CHCHD3: variants seen among roughly 807,000 people sequenced by gnomAD.
CHCHD3 encodes MICOS complex subunit MIC19.
In CHCHD3, 20 loss-of-function variants were observed where a neutral mutation model predicts 38.2. That is an observed-to-expected ratio of 0.52 (90% CI 0.37 to 0.76). The LOEUF (loss-of-function observed/expected upper bound fraction) is 0.76. Among genes scored for constraint, CHCHD3 ranks in the 30% least tolerant of loss-of-function variants. The pLI is 0.00. For missense variants in CHCHD3, 245 were observed against 279.2 expected, an observed-to-expected ratio of 0.88 and a Z score of 0.87; for synonymous variants, 82 against 100.0, an observed-to-expected ratio of 0.82 and a Z score of 1.07.
At position 132,785,204 on chromosome 7, in the gene CHCHD3, C is replaced by T. The variant is rs535292721; in HGVS notation, c.*433G>A. The T allele has an allele frequency of 5.9e-5, 10 of 169,734 alleles. No individual in the cohort carries two copies. The South Asian group carries it at 1.5e-3, about 25-fold the overall frequency. 10.5% of individuals were successfully genotyped at this position (169,734 alleles called of 1,614,324 possible). A position where few individuals can be genotyped will look rare whatever the true frequency, so the allele number is the denominator to read the frequency against. On this transcript the variant is annotated 3_prime_UTR_variant, in exon 8 of 8. Coordinates refer to ENST00000262570, the MANE Select transcript of CHCHD3 (RefSeq NM_017812.4). ...TCTCTCCACCCAGCACTGCTGCCCT[C>T]GGATCTATGTTTTCTGGCTCTCTCC...
intron 3 of CHCHD3, among the ~76,000 whole-genome samples, chr7:133,018,834 C>T (rs1483057388): frequency 7.0e-6 from 1 of 142,430 alleles, no homozygotes; most frequent in African/African-American, 2.6e-5. Context: ...ACTTGTGAGA[C>T]TTTACTATGT....
At chr7:133,059,939 C>T (rs941659790) in intron 2 of CHCHD3, among the ~76,000 whole-genome samples, 5 of 152,112 alleles carry the variant, frequency 3.3e-5, no homozygotes, top group African/African-American at 1.2e-4. Context: ...ACATGGGAAG[C>T]GAACATACAC....
chr7:132,891,761 G>C (rs1329741739), intron 4 of CHCHD3, among the ~76,000 whole-genome samples: 2 of 152,220 alleles, frequency 1.3e-5, no homozygotes, highest in Non-Finnish European at 2.9e-5. Flanking sequence ...GGACCAGATG[G>C]GAGGTGAATG....
At position 132,886,618 on chromosome 7, in the gene CHCHD3, G is replaced by T. The variant is rs559969674; in HGVS notation, c.370-873C>A. 7.9e-4 allele frequency among the ~76,000 whole-genome samples: 120 copies of T among 151,338 alleles called. 3 individuals are homozygous for T. In the South Asian group the frequency reaches 0.025, roughly 31 times the overall value. ...ATATATGCCTGACTACAACTTATAA[G>T]AAAGTGTGTGTGTGTATATATATGT... is the stretch of plus-strand genomic sequence containing the variant. On this transcript the variant is annotated intron_variant, in intron 4 of 7. Coordinates refer to ENST00000262570, the MANE Select transcript of CHCHD3 (RefSeq NM_017812.4).
chr7:133,028,553 G>T (rs1465660254), intron 2 of CHCHD3, among the ~76,000 whole-genome samples: 10 of 152,016 alleles, frequency 6.6e-5, no homozygotes, highest in Non-Finnish European at 7.4e-5. Flanking sequence ...ATCCATGCAT[G>T]GATTAATGGT....
intron 6 of CHCHD3, among the ~76,000 whole-genome samples, chr7:132,808,869 A>G (rs1262940799): frequency 2.0e-5 from 3 of 149,334 alleles, no homozygotes; most frequent in Middle Eastern, 3.4e-3. Context: ...ATATCTCCCA[A>G]TGCTATCCCT....
At chr7:132,983,834 G>A (rs903519796) in intron 3 of CHCHD3, among the ~76,000 whole-genome samples, 11 of 152,154 alleles carry the variant, frequency 7.2e-5, no homozygotes, top group Admixed American at 2.0e-4. Flanking sequence ...TCCAGCATAA[G>A]GACTGTTGTA....
At chr7:133,078,463 G>A (rs1220802521) in intron 1 of CHCHD3, among the ~76,000 whole-genome samples, 2 of 152,126 alleles carry the variant, frequency 1.3e-5, no homozygotes. Flanking sequence ...CTTGAGCCCA[G>A]GAGTTGAGAC....
intron 4 of CHCHD3, among the ~76,000 whole-genome samples, chr7:132,893,328 G>A (rs1809415941): frequency 6.6e-6 from 1 of 152,038 alleles, no homozygotes; most frequent in Non-Finnish European, 1.5e-5. Flanking sequence ...TCCTTATTTT[G>A]GCCAATTTCT....
intron 4 of CHCHD3, among the ~76,000 whole-genome samples, chr7:132,955,539 TTTG>T (rs1407021877): frequency 1.3e-4 from 19 of 149,040 alleles, no homozygotes; most frequent in Non-Finnish European, 2.8e-4. Context: ...TTTGGGGTTT[TTTG>T]TTTTTTTTTT....
chr7:132,869,587 C>G (rs1396206548), intron 5 of CHCHD3, among the ~76,000 whole-genome samples: 1 of 152,020 alleles, frequency 6.6e-6, no homozygotes, highest in Non-Finnish European at 1.5e-5. Flanking sequence ...CTGCCCCCAC[C>G]CTCCATGACT....
At chr7:133,022,913 G>A (rs1221808743) in intron 3 of CHCHD3, among the ~76,000 whole-genome samples, 1 of 118,298 alleles carries the variant, frequency 8.5e-6, no homozygotes, top group Non-Finnish European at 1.7e-5. Context: ...CATATGGAGA[G>A]AAGGGAAGAC....
intron 2 of CHCHD3, among the ~76,000 whole-genome samples, chr7:133,026,335 C>A (rs1020513716): frequency 6.6e-6 from 1 of 151,964 alleles, no homozygotes; most frequent in African/African-American, 2.4e-5. Flanking sequence ...TAATGATATG[C>A]CATTTCAAAC....
At chr7:133,074,700 A>G (rs979434759) in intron 1 of CHCHD3, among the ~76,000 whole-genome samples, 8 of 152,192 alleles carry the variant, frequency 5.3e-5, no homozygotes, top group African/African-American at 1.9e-4. Context: ...ATAAGCTTAC[A>G]TTTTTAGAAT....
At chr7:133,065,791 TC>T (rs1473516008) in intron 2 of CHCHD3, among the ~76,000 whole-genome samples, 1 of 152,230 alleles carries the variant, frequency 6.6e-6, no homozygotes, top group African/African-American at 2.4e-5. Context: ...TTTTTTTAAT[TC>T]TAAGAAGAAT....
chr7:132,901,656 G>A (rs956421394), intron 4 of CHCHD3, among the ~76,000 whole-genome samples: 3 of 152,152 alleles, frequency 2.0e-5, no homozygotes, highest in African/African-American at 7.2e-5. Flanking sequence ...ACTTGTTGAT[G>A]GGGTTGATTG....
intron 2 of CHCHD3, among the ~76,000 whole-genome samples, chr7:133,039,020 T>C (rs888943627): frequency 5.3e-5 from 8 of 152,242 alleles, no homozygotes; most frequent in African/African-American, 1.9e-4. Context: ...GAAACGCATA[T>C]AAAGTTTAGC....
chr7:133,007,477 T>C (rs1812731282), intron 3 of CHCHD3, among the ~76,000 whole-genome samples: 2 of 152,322 alleles, frequency 1.3e-5, no homozygotes, highest in South Asian at 4.1e-4. Flanking sequence ...ACTCACCTTT[T>C]GAGACCCTAG....
In CHCHD3 at chr7:132,940,635, G is replaced by A. The variant is rs143771674; in HGVS notation, c.369+34534C>T. Among the ~76,000 whole-genome samples the A allele has an allele frequency of 2.4e-4, 36 of 152,218 alleles. 1 individual carries two copies. The East Asian group carries it at 6.9e-3, about 29-fold the overall frequency. On this transcript the variant is annotated intron_variant, in intron 4 of 7. Coordinates refer to ENST00000262570, the MANE Select transcript of CHCHD3 (RefSeq NM_017812.4). Reference sequence around the variant, plus strand: ...TTTATATTTTCTCTCTTCCTTCAACGTCTGGCTTTCAGCAGTCATTTTTTC... The same window carrying A: ...TTTATATTTTCTCTCTTCCTTCAACATCTGGCTTTCAGCAGTCATTTTTTC...
Sources: gnomAD v4.1 joint callset for allele counts (sites outside exome capture counted in the v4.1 genomes callset) on GRCh38, gnomAD v4.1.1 for gene constraint, MANE v1.5 for transcripts, NCBI Gene and HGNC (gene_info 2026-07-23, HGNC 2026-07-21) for gene names.